The following PLCL1 variants were observed in gnomAD, a reference collection of about 807,000 sequenced individuals.
The protein encoded by PLCL1 is inactive phospholipase C-like protein 1.
Under a neutral mutation model 84.4 loss-of-function variants are expected in PLCL1, and 41 were observed. The observed-to-expected ratio is 0.49, with a 90% CI of 0.38 to 0.63. PLCL1 has a LOEUF of 0.63. Ranked by LOEUF, PLCL1 falls within the 30% of genes least tolerant of loss-of-function variation. The pLI is 0.00. For missense variants in PLCL1, 1,206 were observed against 1,367.8 expected (o/e 0.88, Z 1.87); for synonymous variants, 490 against 488.3 (o/e 1.00, Z -0.05).
chr2:198,014,398 A>G (rs951219540), intron 1 of PLCL1, among the ~76,000 whole-genome samples: 6 of 152,194 alleles, frequency 3.9e-5, no homozygotes, highest in African/African-American at 1.4e-4. Context: ...TTATTCCTCC[A>G]ATAGTCAGTT....
chr2:197,859,986 A>G (rs1687398809), intron 1 of PLCL1, among the ~76,000 whole-genome samples: 1 of 152,054 alleles, frequency 6.6e-6, no homozygotes, highest in Non-Finnish European at 1.5e-5. Context: ...TGTTCAGCCT[A>G]GTACCCATCA....
chr2:197,835,807 T>A (rs926587145), intron 1 of PLCL1, among the ~76,000 whole-genome samples: 5 of 152,240 alleles, frequency 3.3e-5, no homozygotes, highest in Non-Finnish European at 7.3e-5. Context: ...CTCAAAGTAT[T>A]CTTATTTTAT....
chr2:198,070,807 T>C (rs186758503), intron 1 of PLCL1, among the ~76,000 whole-genome samples: 1 of 152,062 alleles, frequency 6.6e-6, no homozygotes, highest in Non-Finnish European at 1.5e-5. Flanking sequence ...ACAAAGTGTA[T>C]CTATTGTTCT....
At chr2:197,943,815 CCAAA>C (rs1689215690) in intron 1 of PLCL1, among the ~76,000 whole-genome samples, 1 of 151,964 alleles carries the variant, frequency 6.6e-6, no homozygotes, top group Non-Finnish European at 1.5e-5. Context: ...TCTAATATCC[CCAAA>C]CAGTTCTGTA....
At chr2:197,923,169 C>G (rs1337527917) in intron 1 of PLCL1, among the ~76,000 whole-genome samples, 187 of 145,306 alleles carry the variant, frequency 1.3e-3, no homozygotes, top group African/African-American at 4.3e-3. Context: ...CAGAGGCGCC[C>G]CTCACCTCCC....
chr2:198,047,673 A>G (rs1691838460), intron 1 of PLCL1, among the ~76,000 whole-genome samples: 2 of 152,230 alleles, frequency 1.3e-5, no homozygotes, highest in Admixed American at 6.5e-5. Context: ...TATATTGGGG[A>G]AAAGGGTGAT....
chr2:197,983,537 T>C (rs902370367), intron 1 of PLCL1, among the ~76,000 whole-genome samples: 2 of 152,174 alleles, frequency 1.3e-5, no homozygotes, highest in Admixed American at 1.3e-4. Context: ...CAGGGCTAAA[T>C]AAGCATTTTC....
At chr2:197,943,647 G>A (rs201491766) in intron 1 of PLCL1, among the ~76,000 whole-genome samples, 6 of 48,496 alleles carry the variant, frequency 1.2e-4, no homozygotes, top group Admixed American at 6.9e-4. Context: ...TTTTTTTTTT[G>A]TTACTTTGTT....
At chr2:197,875,114 C>T (rs1559032117) in intron 1 of PLCL1, among the ~76,000 whole-genome samples, 1 of 152,042 alleles carries the variant, frequency 6.6e-6, no homozygotes, top group Admixed American at 6.6e-5. Flanking sequence ...GGTGAAACCC[C>T]ATCTCCACTA....
chr2:197,965,964 G>A (rs543958998), intron 1 of PLCL1, among the ~76,000 whole-genome samples: 1 of 151,946 alleles, frequency 6.6e-6, no homozygotes, highest in Non-Finnish European at 1.5e-5. Flanking sequence ...GACTATTCAG[G>A]GCCCAAGGGC....
rs1428543888 is a variant in PLCL1 at position 197,842,447 on chromosome 2, G to C, written c.240+37108G>C. Among the ~76,000 whole-genome samples the C allele has an allele frequency of 4.0e-5, 6 of 151,880 alleles. No individual in the cohort carries two copies. In the South Asian group the frequency reaches 1.2e-3, roughly 32 times the overall value. ...CTTTAGTTTTATTATTCTTATTCAC[G>C]ATCTTATTCCTCAAAATTGCCATCC... On this transcript the variant is annotated intron_variant, in intron 1 of 5. Coordinates refer to ENST00000428675, the MANE Select transcript of PLCL1 (RefSeq NM_006226.4).
chr2:197,930,016 G>A (rs1688903266), intron 1 of PLCL1, among the ~76,000 whole-genome samples: 2 of 152,148 alleles, frequency 1.3e-5, no homozygotes, highest in Admixed American at 1.3e-4. Flanking sequence ...AGATTCCCAT[G>A]GGGTGAATCT....
intron 1 of PLCL1, 84 bp from the exon 2 acceptor site, chr2:198,083,674 G>A (rs1230848352): frequency 1.3e-6 from 1 of 796,320 alleles, no homozygotes; most frequent in Non-Finnish European, 2.0e-6. Context: ...TATGTGAATT[G>A]AAGTTTGAGG....
At chr2:198,024,200 G>C (rs1001767148) in intron 1 of PLCL1, among the ~76,000 whole-genome samples, 3 of 152,086 alleles carry the variant, frequency 2.0e-5, no homozygotes, top group African/African-American at 7.2e-5. Context: ...TGAACAATGA[G>C]AACATATGGG....
intron 5 of PLCL1, among the ~76,000 whole-genome samples, chr2:198,144,500 A>G (rs1002518409): frequency 1.3e-5 from 2 of 152,210 alleles, no homozygotes; most frequent in African/African-American, 4.8e-5. Flanking sequence ...ATATAGTAGC[A>G]GATAATGTTA....
intron 1 of PLCL1, among the ~76,000 whole-genome samples, chr2:198,074,286 ATAACTG>A (rs1393023058): frequency 6.6e-6 from 1 of 152,212 alleles, no homozygotes; most frequent in African/African-American, 2.4e-5. Flanking sequence ...TTAAGCTGGT[ATAACTG>A]TAAATGATTT....
At chr2:197,836,433 C>T (rs1418111095) in intron 1 of PLCL1, among the ~76,000 whole-genome samples, 2 of 106,210 alleles carry the variant, frequency 1.9e-5, no homozygotes, top group African/African-American at 3.7e-5. Context: ...GGCGACAGAG[C>T]GAGACTCCGT....
chr2:198,000,736 T>TC (rs199544740), intron 1 of PLCL1, among the ~76,000 whole-genome samples: 1 of 145,488 alleles, frequency 6.9e-6, no homozygotes, highest in African/African-American at 2.5e-5. Context: ...TCACTTTATT[T>TC]CCCTTTTTTT....
At chr2:198,080,089 G>C (rs1457613978) in intron 1 of PLCL1, among the ~76,000 whole-genome samples, 3 of 152,096 alleles carry the variant, frequency 2.0e-5, no homozygotes, top group African/African-American at 4.8e-5. Context: ...AAAATCTCCT[G>C]GAAAGATGTT....
Sources: allele counts gnomAD v4.1 joint callset (sites outside exome capture counted in the v4.1 genomes callset), GRCh38; gene constraint gnomAD v4.1.1; transcripts MANE v1.5; gene names NCBI Gene and HGNC (gene_info 2026-07-23, HGNC 2026-07-21).